KCNJ6: variants seen among roughly 807,000 people sequenced by gnomAD.
The protein encoded by KCNJ6 is G protein-activated inward rectifier potassium channel 2.
In KCNJ6, 9 loss-of-function variants were observed where a neutral mutation model predicts 34.2. The ratio of observed to expected loss-of-function variants is 0.26; its 90% confidence interval spans 0.16 to 0.46. The LOEUF (loss-of-function observed/expected upper bound fraction) is 0.46, where lower values mean the gene tolerates loss of function less well. Ranked by LOEUF, KCNJ6 falls within the 20% of genes least tolerant of loss-of-function variation. The pLI is 1.00. For synonymous variants in KCNJ6, 196 were observed against 207.1 expected (o/e 0.95, Z 0.46); for missense variants, 236 against 531.3 (o/e 0.44, Z 5.46).
chr21:37,890,814 G>A lies in KCNJ6; in HGVS notation c.-28+25070C>T, dbSNP rs555475047. 1.1e-4 allele frequency among the ~76,000 whole-genome samples: 16 copies of A among 152,154 alleles called. No individual in the cohort carries two copies. In the East Asian group the frequency reaches 2.1e-3, roughly 20 times the overall value. ...GAGAACACTGCCTCTGACTCTGCCC[G>A]CCTCCCCCGCATCCAAGCAAGCAGC... On this transcript the variant is annotated intron_variant, in intron 1 of 3. Transcript: ENST00000609713.
chr21:37,633,418 A>G (rs941444254), intron 3 of KCNJ6, among the ~76,000 whole-genome samples: 3 of 152,184 alleles, frequency 2.0e-5, no homozygotes, highest in Admixed American at 6.5e-5. Context: ...TTAAATACAG[A>G]TGCAGTAAAT....
At chr21:37,799,542 GTTC>G (rs1025699488) in intron 2 of KCNJ6, among the ~76,000 whole-genome samples, 1 of 152,200 alleles carries the variant, frequency 6.6e-6, no homozygotes, top group African/African-American at 2.4e-5. Flanking sequence ...GCAAGAGCAA[GTTC>G]TTCTGCTTGA....
intron 1 of KCNJ6, among the ~76,000 whole-genome samples, chr21:37,859,297 T>A (rs1254608058): frequency 1.3e-5 from 2 of 151,362 alleles, no homozygotes; most frequent in East Asian, 1.9e-4. Flanking sequence ...ACATATATAT[T>A]TTTTAAAATT....
intron 1 of KCNJ6, among the ~76,000 whole-genome samples, chr21:37,899,324 A>G (rs2055805246): frequency 6.6e-6 from 1 of 152,164 alleles, no homozygotes; most frequent in Non-Finnish European, 1.5e-5. Flanking sequence ...CAGAGGGAAA[A>G]ACCAGTTTTG....
intron 1 of KCNJ6, among the ~76,000 whole-genome samples, chr21:37,872,899 C>T (rs1328672307): frequency 6.6e-6 from 1 of 152,110 alleles, no homozygotes; most frequent in Non-Finnish European, 1.5e-5. Context: ...CTGACATTTC[C>T]CCTGCTGTCA....
chr21:37,749,627 C>T (rs943285299), intron 2 of KCNJ6, among the ~76,000 whole-genome samples: 1 of 152,158 alleles, frequency 6.6e-6, no homozygotes, highest in Non-Finnish European at 1.5e-5. Flanking sequence ...TGTTGAGGCA[C>T]ATTATCCATT....
At chr21:37,756,272 A>G (rs1367189137) in intron 2 of KCNJ6, among the ~76,000 whole-genome samples, 1 of 152,246 alleles carries the variant, frequency 6.6e-6, no homozygotes, top group Non-Finnish European at 1.5e-5. Flanking sequence ...ACAGATGACC[A>G]TTCATTCCAT....
At chr21:37,727,315 G>T (rs1292617262) in intron 2 of KCNJ6, among the ~76,000 whole-genome samples, 1 of 152,190 alleles carries the variant, frequency 6.6e-6, no homozygotes. Context: ...GGTGATGGTG[G>T]TGTTGGTGGA....
In KCNJ6 at chr21:37,624,416, G is replaced by A. The variant is rs2054301638; in HGVS notation, c.*743C>T. 6.6e-6 allele frequency: 1 copy of A among 151,936 alleles called. No homozygotes were observed. Among genetic ancestry groups the A allele is most frequent in the Non-Finnish European group, 1.5e-5 (1 of 68,016 alleles). The allele number at this position is 151,936 out of a possible 1,614,324, so 9.4% of individuals were successfully genotyped here. ...GCCGTCAACTGGATCAAAATAACCTGGAAAACACAGACATCAAAACAGAAA... is the reference window on the plus strand; with the variant it reads ...GCCGTCAACTGGATCAAAATAACCTAGAAAACACAGACATCAAAACAGAAA... On this transcript the variant is annotated 3_prime_UTR_variant, in exon 4 of 4. Transcript: ENST00000609713.
intron 2 of KCNJ6, among the ~76,000 whole-genome samples, chr21:37,758,993 C>T (rs1036793255): frequency 6.6e-6 from 1 of 152,206 alleles, no homozygotes; most frequent in Non-Finnish European, 1.5e-5. Flanking sequence ...CAGCCCTGCT[C>T]ACATGGGTTG....
At chr21:37,737,462 CGTTT>C (rs147443421) in intron 2 of KCNJ6, among the ~76,000 whole-genome samples, 32,866 of 151,950 alleles carry the variant, frequency 0.22, 3,925 homozygotes, top group African/African-American at 0.32. Context: ...TCTCTGTTGG[CGTTT>C]GTTTGTTTAT....
At chr21:37,812,930 G>C (rs779932762) in intron 2 of KCNJ6, among the ~76,000 whole-genome samples, 3 of 152,130 alleles carry the variant, frequency 2.0e-5, no homozygotes, top group African/African-American at 4.8e-5. Context: ...TCAGACAAGA[G>C]AAAGAAGTAA....
intron 3 of KCNJ6, among the ~76,000 whole-genome samples, chr21:37,661,012 T>C (rs934683202): frequency 6.6e-6 from 1 of 152,244 alleles, no homozygotes; most frequent in African/African-American, 2.4e-5. Flanking sequence ...AACACTTTCA[T>C]GATCTTTTGG....
At chr21:37,777,035 T>C (rs988467292) in intron 2 of KCNJ6, among the ~76,000 whole-genome samples, 1 of 152,202 alleles carries the variant, frequency 6.6e-6, no homozygotes, top group Non-Finnish European at 1.5e-5. Flanking sequence ...AGCCTGTTAT[T>C]GGTCTATTCA....
intron 1 of KCNJ6, among the ~76,000 whole-genome samples, chr21:37,841,609 C>T (rs1326123635): frequency 6.6e-6 from 1 of 152,162 alleles, no homozygotes; most frequent in Non-Finnish European, 1.5e-5. Context: ...TATTTCTTTA[C>T]CTGTGCATAT....
At chr21:37,665,154 A>C (rs1159968404) in intron 3 of KCNJ6, among the ~76,000 whole-genome samples, 2 of 152,168 alleles carry the variant, frequency 1.3e-5, no homozygotes, top group Non-Finnish European at 2.9e-5. Flanking sequence ...CAATGGCACA[A>C]ATCTCACTGG....
intron 2 of KCNJ6, among the ~76,000 whole-genome samples, chr21:37,742,516 A>AG (rs1043316821): frequency 4.2e-4 from 3 of 7,102 alleles, no homozygotes; most frequent in African/African-American, 2.4e-3. Context: ...AATATTAAAA[A>AG]GAAAAACACC....
In KCNJ6 at chr21:37,612,576, C is replaced by T. The variant is rs2054246380; in HGVS notation, c.*12583G>A. On this transcript the variant is annotated 3_prime_UTR_variant, in exon 4 of 4. Coordinates refer to ENST00000609713, the MANE Select transcript of KCNJ6 (RefSeq NM_002240.5). ...TTGGTGAAGGAATAGACAAATAGATCAGTGGAACAGAATGGAGAGCTGAGA... is the reference window on the plus strand; with the variant it reads ...TTGGTGAAGGAATAGACAAATAGATTAGTGGAACAGAATGGAGAGCTGAGA... 1 of 152,136 alleles carries T rather than the reference C, an allele frequency of 6.6e-6. No individual in the cohort carries two copies. Among genetic ancestry groups the T allele is most frequent in the Non-Finnish European group, 1.5e-5 (1 of 68,026 alleles). 9.4% of individuals were successfully genotyped at this position (152,136 alleles called of 1,614,324 possible). A position where few individuals can be genotyped will look rare whatever the true frequency, so the allele number is the denominator to read the frequency against.
chr21:37,755,541 T>G (rs1167492317), intron 2 of KCNJ6, among the ~76,000 whole-genome samples: 1 of 152,182 alleles, frequency 6.6e-6, no homozygotes, highest in Non-Finnish European at 1.5e-5. Context: ...GCAGACTAGT[T>G]GAGGGAAACA....
Sources: allele counts gnomAD v4.1 joint callset (sites outside exome capture counted in the v4.1 genomes callset), GRCh38; gene constraint gnomAD v4.1.1; transcripts MANE v1.5; gene names NCBI Gene and HGNC (gene_info 2026-07-23, HGNC 2026-07-21).